CCSER1: variants seen among roughly 807,000 people sequenced by gnomAD.
The protein encoded by CCSER1 is serine-rich coiled-coil domain-containing protein 1.
CCSER1 carries 41 observed loss-of-function variants against 82.0 expected under a neutral mutation model. The observed-to-expected ratio is 0.50, with a 90% CI of 0.39 to 0.65. CCSER1 has a LOEUF of 0.65. Among genes scored for constraint, CCSER1 ranks in the 30% least tolerant of loss-of-function variants. The probability of loss-of-function intolerance (pLI) is 0.00; values close to 1 mark genes in which losing one functional copy is unlikely to be tolerated. For synonymous variants in CCSER1, 414 were observed against 383.9 expected, an observed-to-expected ratio of 1.08 and a Z score of -0.92; for missense variants, 1,119 against 1,064.2, an observed-to-expected ratio of 1.05 and a Z score of -0.72.
At chr4:90,288,069 C>G (rs1397762381) in intron 1 of CCSER1, among the ~76,000 whole-genome samples, 1 of 151,874 alleles carries the variant, frequency 6.6e-6, no homozygotes, top group Non-Finnish European at 1.5e-5. Context: ...AGTTTGTTAT[C>G]TTGTTTATCT....
chr4:90,982,873 GA>G (rs1262771433), intron 9 of CCSER1, among the ~76,000 whole-genome samples: 1 of 151,264 alleles, frequency 6.6e-6, no homozygotes, highest in Admixed American at 6.6e-5. Flanking sequence ...ACAAAACAAA[GA>G]AAAAAAAGAT....
At chr4:91,267,757 A>G (rs576817943) in intron 10 of CCSER1, among the ~76,000 whole-genome samples, 4 of 152,344 alleles carry the variant, frequency 2.6e-5, no homozygotes, top group African/African-American at 9.6e-5. Context: ...CAGGACATTT[A>G]TGACTAGCTG....
intron 10 of CCSER1, among the ~76,000 whole-genome samples, chr4:91,162,562 G>A (rs551595240): frequency 6.6e-6 from 1 of 152,240 alleles, no homozygotes; most frequent in East Asian, 1.9e-4. Flanking sequence ...TCTGGTCCCG[G>A]ACTTTTTTTG....
At chr4:91,516,137 AT>A (rs1760108477) in intron 10 of CCSER1, among the ~76,000 whole-genome samples, 1 of 151,876 alleles carries the variant, frequency 6.6e-6, no homozygotes, top group African/African-American at 2.4e-5. Flanking sequence ...GTTTGTAAAT[AT>A]TTTTTCCCTT....
At chr4:90,509,078 G>A (rs947438456) in intron 5 of CCSER1, among the ~76,000 whole-genome samples, 7 of 152,014 alleles carry the variant, frequency 4.6e-5, no homozygotes, top group African/African-American at 1.7e-4. Flanking sequence ...GTCTCAGGTG[G>A]AAATCGCAAT....
chr4:90,656,397 A>G (rs1055062523), intron 6 of CCSER1, among the ~76,000 whole-genome samples: 20 of 151,652 alleles, frequency 1.3e-4, no homozygotes, highest in South Asian at 4.1e-4. Flanking sequence ...GCCCTTTTAT[A>G]ATTATGATTT....
intron 9 of CCSER1, among the ~76,000 whole-genome samples, chr4:90,978,629 A>G (rs541791786): frequency 1.3e-5 from 2 of 151,928 alleles, no homozygotes; most frequent in South Asian, 4.1e-4. Context: ...AATGAATCAG[A>G]GTGAGATTGA....
At chr4:91,290,108 A>G (rs1325197329) in intron 10 of CCSER1, among the ~76,000 whole-genome samples, 1 of 152,010 alleles carries the variant, frequency 6.6e-6, no homozygotes, top group Admixed American at 6.6e-5. Context: ...GCTACAAAAC[A>G]TTCTATAGTC....
chr4:91,000,757 G>C (rs1050901997), intron 9 of CCSER1, among the ~76,000 whole-genome samples: 5 of 152,132 alleles, frequency 3.3e-5, no homozygotes, highest in African/African-American at 9.7e-5. Flanking sequence ...AAATGCTACT[G>C]ATTTGAGTAC....
chr4:90,731,273 A>T (rs1263339513), intron 7 of CCSER1, among the ~76,000 whole-genome samples: 2 of 152,210 alleles, frequency 1.3e-5, no homozygotes. Flanking sequence ...CTGATGTTAC[A>T]AATAGATAGC....
At chr4:91,288,836 G>A (rs1743524040) in intron 10 of CCSER1, among the ~76,000 whole-genome samples, 1 of 152,028 alleles carries the variant, frequency 6.6e-6, no homozygotes, top group African/African-American at 2.4e-5. Context: ...CACAGGTGGA[G>A]GAGAGGCTGT....
At chr4:91,100,365 AGTTACT>A (rs1296268184) in intron 10 of CCSER1, among the ~76,000 whole-genome samples, 2 of 133,984 alleles carry the variant, frequency 1.5e-5, no homozygotes, top group Non-Finnish European at 3.4e-5. Flanking sequence ...ACATGGCAAC[AGTTACT>A]ATTATTATTA....
intron 10 of CCSER1, among the ~76,000 whole-genome samples, chr4:91,343,771 AATAC>A (rs1747875336): frequency 1.3e-5 from 2 of 152,168 alleles, no homozygotes; most frequent in Non-Finnish European, 1.5e-5. Flanking sequence ...CTCATCAGAC[AATAC>A]GATCTATGTA....
Position 90,837,145 on chromosome 4 carries a change from A to C in CCSER1, c.2094+21300A>C, listed in dbSNP as rs1463857521. 2.6e-5 allele frequency among the ~76,000 whole-genome samples: 4 copies of C among 152,210 alleles called. No individual in the cohort carries two copies. The South Asian group carries it at 8.3e-4, about 31-fold the overall frequency. ...ACAGTATTATAGATGACTCACATTC[A>C]GTTAACCATAAAAATGAAATAATAT... On this transcript the variant is annotated intron_variant, in intron 8 of 10. Transcript: ENST00000509176.
At chr4:90,810,832 CTTTT>C (rs375997127) in intron 7 of CCSER1, among the ~76,000 whole-genome samples, 1 of 113,594 alleles carries the variant, frequency 8.8e-6, no homozygotes. Context: ...AAGAGTAATT[CTTTT>C]TTTTTTTTTT....
chr4:91,284,676 G>T (rs1743141307), intron 10 of CCSER1, among the ~76,000 whole-genome samples: 1 of 152,000 alleles, frequency 6.6e-6, no homozygotes, highest in South Asian at 2.1e-4. Context: ...AGATAATCAT[G>T]GTTGTTTACC....
At chr4:91,245,269 G>T (rs961985484) in intron 10 of CCSER1, among the ~76,000 whole-genome samples, 1 of 152,074 alleles carries the variant, frequency 6.6e-6, no homozygotes, top group African/African-American at 2.4e-5. Flanking sequence ...CCTAGAAAAA[G>T]ATATCAACAT....
chr4:91,598,952 A>G lies in CCSER1; in HGVS notation c.2598A>G (p.Pro866=). The change falls in exon 11 of 11, where the codon CCA becomes CCG. Residue 866 remains proline (P), a synonymous_variant. Transcript: ENST00000509176. ...CCTTTACAGGCAGGTTTGGACAGCC[A>G]CCCAGAGGGCCAATCTCTTTACACA... ...HSTFTGRFGQ[P]PRGPISLHMY... is the part of the protein sequence containing the mutation. 1 of 1,551,562 alleles carries G rather than the reference A, an allele frequency of 6.4e-7. No homozygotes were observed.
intron 9 of CCSER1, among the ~76,000 whole-genome samples, chr4:91,043,550 AAAAC>A (rs1742161741): frequency 6.6e-6 from 1 of 151,976 alleles, no homozygotes; most frequent in Non-Finnish European, 1.5e-5. Flanking sequence ...TCACCTGAAA[AAAAC>A]AAGGATAACG....
Sources: gnomAD v4.1 joint callset for allele counts (sites outside exome capture counted in the v4.1 genomes callset) on GRCh38, gnomAD v4.1.1 for gene constraint, MANE v1.5 for transcripts, NCBI Gene and HGNC (gene_info 2026-07-23, HGNC 2026-07-21) for gene names.